ITFG1: variants seen among roughly 807,000 people sequenced by gnomAD.
The protein encoded by ITFG1 is T-cell immunomodulatory protein.
Under a neutral mutation model 81.8 loss-of-function variants are expected in ITFG1, and 34 were observed. That is an observed-to-expected ratio of 0.42 (90% CI 0.32 to 0.55). ITFG1 has a LOEUF of 0.55. ITFG1 is among the 20% of genes least tolerant of loss of function. ITFG1 has a pLI of 0.17. For synonymous variants in ITFG1, 285 were observed against 270.6 expected (o/e 1.05, Z -0.52); for missense variants, 672 against 755.4 (o/e 0.89, Z 1.29).
chr16:47,329,525 A>C (rs913268238), intron 8 of ITFG1, among the ~76,000 whole-genome samples: 6 of 152,144 alleles, frequency 3.9e-5, no homozygotes, highest in Non-Finnish European at 8.8e-5. Flanking sequence ...ATGATTTCTA[A>C]GCCTCAGTTT....
intron 5 of ITFG1, among the ~76,000 whole-genome samples, chr16:47,440,090 G>A (rs1039733001): frequency 6.6e-6 from 1 of 152,018 alleles, no homozygotes; most frequent in Admixed American, 6.5e-5. Context: ...AGACAAAGAA[G>A]GCCATTACAT....
At chr16:47,340,363 T>C (rs1967764995) in intron 8 of ITFG1, among the ~76,000 whole-genome samples, 1 of 152,174 alleles carries the variant, frequency 6.6e-6, no homozygotes, top group Non-Finnish European at 1.5e-5. Flanking sequence ...GCACAAATTA[T>C]ATAAAGATAT....
intron 14 of ITFG1, among the ~76,000 whole-genome samples, chr16:47,188,625 AG>A (rs1567418541): frequency 8.1e-5 from 2 of 24,636 alleles, no homozygotes; most frequent in Non-Finnish European, 1.4e-4. Context: ...GGGTGGGGGG[AG>A]GGGGGAGGGG....
At chr16:47,379,070 C>T (rs75639114) in intron 6 of ITFG1, among the ~76,000 whole-genome samples, 2 of 152,248 alleles carry the variant, frequency 1.3e-5, no homozygotes, top group African/African-American at 2.4e-5. Flanking sequence ...TGAAAAGGAG[C>T]TACCTTGCAG....
At chr16:47,404,242 T>C (rs1968700053) in intron 6 of ITFG1, among the ~76,000 whole-genome samples, 1 of 152,116 alleles carries the variant, frequency 6.6e-6, no homozygotes, top group Non-Finnish European at 1.5e-5. Flanking sequence ...CTGGGAGCCT[T>C]TCCAATCTGC....
At chr16:47,295,294 C>T (rs1450904436) in intron 10 of ITFG1, among the ~76,000 whole-genome samples, 1 of 152,146 alleles carries the variant, frequency 6.6e-6, no homozygotes, top group East Asian at 1.9e-4. Context: ...ACTTGTCTAA[C>T]TTTGGTATCA....
intron 10 of ITFG1, among the ~76,000 whole-genome samples, chr16:47,287,574 A>T (rs1452633106): frequency 6.6e-6 from 1 of 150,788 alleles, no homozygotes; most frequent in East Asian, 2.0e-4. Flanking sequence ...CTATTATAAA[A>T]TTTTTTTTTG....
intron 8 of ITFG1, among the ~76,000 whole-genome samples, chr16:47,314,447 C>G (rs1271506084): frequency 1.3e-5 from 2 of 152,180 alleles, no homozygotes; most frequent in Non-Finnish European, 2.9e-5. Flanking sequence ...CCTCAACACT[C>G]TGGCTTCTTA....
chr16:47,232,635 TTG>T (rs1330279233), intron 13 of ITFG1, among the ~76,000 whole-genome samples: 3 of 148,352 alleles, frequency 2.0e-5, no homozygotes, highest in Non-Finnish European at 4.5e-5. Flanking sequence ...TTATTTGTTC[TTG>T]TTTTTTTTTT....
chr16:47,273,608 A>G (rs1291018061), intron 10 of ITFG1, among the ~76,000 whole-genome samples: 1 of 152,180 alleles, frequency 6.6e-6, no homozygotes, highest in African/African-American at 2.4e-5. Flanking sequence ...TGGGGGAGAC[A>G]GCACATGTTA....
At chr16:47,195,528 A>C (rs1449728310) in intron 14 of ITFG1, among the ~76,000 whole-genome samples, 12 of 152,226 alleles carry the variant, frequency 7.9e-5, no homozygotes, top group Non-Finnish European at 1.5e-5. Flanking sequence ...TAAGAAAAAT[A>C]AAAGACCTTA....
chr16:47,318,493 A>G (rs2151567477), intron 8 of ITFG1, among the ~76,000 whole-genome samples: 1 of 152,310 alleles, frequency 6.6e-6, no homozygotes, highest in African/African-American at 2.4e-5. Context: ...TCTGTAGTAT[A>G]AATTCCTAAA....
At chr16:47,184,821 G>C (rs1965188209) in intron 14 of ITFG1, among the ~76,000 whole-genome samples, 2 of 152,036 alleles carry the variant, frequency 1.3e-5, no homozygotes, top group Admixed American at 6.6e-5. Flanking sequence ...CCAATTAAAA[G>C]ACACAGACTG....
At chr16:47,276,504 T>C (rs1311702304) in intron 10 of ITFG1, among the ~76,000 whole-genome samples, 3 of 152,212 alleles carry the variant, frequency 2.0e-5, no homozygotes, top group African/African-American at 4.8e-5. Context: ...GAATTTTTTT[T>C]GGTCAAATAA....
intron 14 of ITFG1, among the ~76,000 whole-genome samples, chr16:47,192,932 T>G (rs1965309863): frequency 6.6e-6 from 1 of 152,164 alleles, no homozygotes; most frequent in South Asian, 2.1e-4. Context: ...AATTAGTCAA[T>G]CGCCCTTGAA....
At chr16:47,252,023 CAGTA>C (rs1178875635) in intron 12 of ITFG1, among the ~76,000 whole-genome samples, 1 of 152,052 alleles carries the variant, frequency 6.6e-6, no homozygotes. Context: ...TTAGTGTTAA[CAGTA>C]AGAGCAAGAG....
At chr16:47,354,401 T>C (rs2151582943) in intron 8 of ITFG1, among the ~76,000 whole-genome samples, 1 of 152,064 alleles carries the variant, frequency 6.6e-6, no homozygotes, top group South Asian at 2.1e-4. Context: ...AAAAAATCAA[T>C]TCAAAATAGG....
intron 6 of ITFG1, 87 bp downstream of exon 6, chr16:47,428,717 T>C (rs1969054872): frequency 9.9e-6 from 8 of 811,812 alleles, no homozygotes; most frequent in African/African-American, 1.7e-5. Flanking sequence ...ATTTACTTCA[T>C]TAGCAATTAA....
intron 1 of ITFG1, 35 bp downstream of exon 1, chr16:47,460,803 A>G (rs1279065587): frequency 6.2e-7 from 1 of 1,606,466 alleles, no homozygotes; most frequent in Non-Finnish European, 8.5e-7. Context: ...AGGCACACGG[A>G]CAGCGAACAG....
Sources: gnomAD v4.1 joint callset for allele counts (sites outside exome capture counted in the v4.1 genomes callset) on GRCh38, gnomAD v4.1.1 for gene constraint, MANE v1.5 for transcripts, NCBI Gene and HGNC (gene_info 2026-07-23, HGNC 2026-07-21) for gene names.